The following ZNF136 variants were observed in gnomAD, a reference collection of about 807,000 sequenced individuals.
The protein encoded by ZNF136 is zinc finger protein 136.
A neutral mutation model predicts 11.4 loss-of-function variants in ZNF136; 8 were observed. The observed-to-expected ratio is 0.70, with a 90% confidence interval of 0.41 to 1.27. ZNF136 has a LOEUF of 1.27. Ranked by LOEUF, ZNF136 falls within the 50% of genes most tolerant of loss-of-function variation. The probability of loss-of-function intolerance (pLI) is 0.01; values close to 1 mark genes in which losing one functional copy is unlikely to be tolerated. For synonymous variants in ZNF136, 190 were observed against 207.1 expected, an observed-to-expected ratio of 0.92 and a Z score of 0.71; for missense variants, 590 against 656.5, an observed-to-expected ratio of 0.90 and a Z score of 1.11.
intron 1 of ZNF136, among the ~76,000 whole-genome samples, chr19:12,177,244 A>C (rs1052494499): frequency 6.6e-6 from 1 of 152,240 alleles, no homozygotes; most frequent in Non-Finnish European, 1.5e-5. Context: ...GACCCTTGTC[A>C]AATGTTTTTG....
At chr19:12,164,667 C>G (rs1361180890) in intron 1 of ZNF136, 2 of 152,278 alleles carry the variant, frequency 1.3e-5, no homozygotes, top group African/African-American at 4.8e-5. Flanking sequence ...TGGTCTTGAT[C>G]TCCTGACCTC....
chr19:12,179,956 C>T (rs1914901051), intron 1 of ZNF136, among the ~76,000 whole-genome samples: 2 of 151,982 alleles, frequency 1.3e-5, no homozygotes, highest in South Asian at 4.1e-4. Flanking sequence ...AGCTCCACCT[C>T]CCGGGTTCAC....
At chr19:12,163,402 C>T (rs568046291) in intron 1 of ZNF136, among the ~76,000 whole-genome samples, 196 bp downstream of exon 1, 1 of 152,354 alleles carries the variant, frequency 6.6e-6, no homozygotes, top group Middle Eastern at 3.4e-3. Flanking sequence ...CGGGCGTCCT[C>T]GTCCCGCCCT....
At position 12,186,775 on chromosome 19, in the gene ZNF136, C is replaced by T. The variant is rs749677258; in HGVS notation, c.397C>T (p.Gln133Ter). ...DHSGHEPKEY[Q>*]EYGEKPDTRN... Reference sequence around the variant, plus strand: ...CAGTGGACATGAACCAAAGGAATATCAGGAATATGGAGAGAAGCCAGATAC... The same window carrying T: ...CAGTGGACATGAACCAAAGGAATATTAGGAATATGGAGAGAAGCCAGATAC... The change falls in exon 4 of 4, where the codon CAG becomes TAG. Residue 133 changes from glutamine (Q) to a stop codon, truncating the protein, a stop_gained. Coordinates refer to ENST00000343979, the MANE Select transcript of ZNF136 (RefSeq NM_003437.5). LOFTEE classifies it low-confidence loss of function (END_TRUNC). 6 of 1,614,136 alleles carry T rather than the reference C, an allele frequency of 3.7e-6. No homozygotes were observed. The Admixed American group carries it at 1.0e-4, about 27-fold the overall frequency.
At chr19:12,176,215 C>CT (rs1914788391) in intron 1 of ZNF136, among the ~76,000 whole-genome samples, 1 of 152,142 alleles carries the variant, frequency 6.6e-6, no homozygotes, top group African/African-American at 2.4e-5. Flanking sequence ...AGAGACACCC[C>CT]TGTGCCACAT....
chr19:12,182,295 A>G (rs1914963934), intron 1 of ZNF136, among the ~76,000 whole-genome samples: 1 of 152,200 alleles, frequency 6.6e-6, no homozygotes, highest in Admixed American at 6.5e-5. Context: ...ATGCCTTTGC[A>G]TTGAGGTTCC....
chr19:12,184,412 T>A (rs1599459708), intron 1 of ZNF136, among the ~76,000 whole-genome samples: 1 of 151,848 alleles, frequency 6.6e-6, no homozygotes, highest in East Asian at 1.9e-4. Context: ...ATACAAAAAA[T>A]TAGTCAGGCG....
chr19:12,170,682 T>TC (rs57395161), intron 1 of ZNF136, among the ~76,000 whole-genome samples: 4 of 151,304 alleles, frequency 2.6e-5, no homozygotes, highest in African/African-American at 7.3e-5. Context: ...TTTTTTTTTT[T>TC]CGAGACGGAG....
chr19:12,185,647 GAAGT>G, intron 1 of ZNF136, 134 bp from the exon 2 acceptor site: 1 of 1,091,356 alleles, frequency 9.2e-7, no homozygotes, highest in Non-Finnish European at 1.3e-6. Context: ...TGTGTGGAAG[GAAGT>G]GAGTATGATG....
At chr19:12,170,194 C>T (rs1012778912) in intron 1 of ZNF136, among the ~76,000 whole-genome samples, 1 of 151,956 alleles carries the variant, frequency 6.6e-6, no homozygotes, top group Non-Finnish European at 1.5e-5. Flanking sequence ...TCCCAAAGTG[C>T]TGGGATTACA....
At chr19:12,168,426 G>C (rs1208890360) in intron 1 of ZNF136, among the ~76,000 whole-genome samples, 1 of 152,002 alleles carries the variant, frequency 6.6e-6, no homozygotes, top group South Asian at 2.1e-4. Flanking sequence ...ATTGAGTTCT[G>C]TTAATGTAAA....
intron 1 of ZNF136, among the ~76,000 whole-genome samples, chr19:12,172,721 T>A (rs1439090126): frequency 6.6e-6 from 1 of 152,254 alleles, no homozygotes; most frequent in East Asian, 1.9e-4. Flanking sequence ...TTATTACTTA[T>A]AAATCCCAGA....
At chr19:12,186,548 A>G in intron 3 of ZNF136, 22 bp from the exon 4 acceptor site, 2 of 1,543,042 alleles carry the variant, frequency 1.3e-6, no homozygotes, top group Non-Finnish European at 1.8e-6. Flanking sequence ...ATCCTTAGTA[A>G]TGTCCGTCTC....
intron 1 of ZNF136, among the ~76,000 whole-genome samples, chr19:12,164,340 C>T (rs372667069): frequency 2.6e-5 from 4 of 152,010 alleles, no homozygotes; most frequent in Non-Finnish European, 2.9e-5. Context: ...GACGTGATCT[C>T]GGCTCACTGC....
intron 1 of ZNF136, chr19:12,169,255 G>A (rs1011107793): frequency 3.9e-5 from 6 of 152,224 alleles, no homozygotes; most frequent in African/African-American, 1.4e-4. Flanking sequence ...AGTTGATACT[G>A]AGCAGTCTCC....
intron 1 of ZNF136, among the ~76,000 whole-genome samples, chr19:12,168,072 T>C (rs1356159732): frequency 1.0e-4 from 13 of 129,038 alleles, no homozygotes; most frequent in African/African-American, 3.8e-4. Flanking sequence ...TTTTTTTTTT[T>C]TTTTTTTTTT....
chr19:12,186,937 A>G lies in ZNF136; in HGVS notation c.559A>G (p.Ile187Val). 1 of 1,614,086 alleles carries G rather than the reference A, an allele frequency of 6.2e-7. No homozygotes were observed. The highest frequency in any genetic ancestry group is 8.5e-7 in the Non-Finnish European group (1 of 1,180,002). Residue 187 changes from isoleucine to valine, a missense_variant, in exon 4 of 4, where the codon ATC becomes GTC. Ile to Val is a conservative substitution (Grantham distance 29, BLOSUM62 3). Transcript: ENST00000343979. ...TTCTCTCAAAAGAATTAGAAGACAC[A>G]TCATCACACACAGTGGATATACACC... ...FFSLKRIRRH[I>V]ITHSGYTPYK... is the part of the protein sequence containing the mutation.
At chr19:12,164,712 G>C (rs566960098) in intron 1 of ZNF136, 1 of 152,200 alleles carries the variant, frequency 6.6e-6, no homozygotes, top group Non-Finnish European at 1.5e-5. Context: ...AGAGTGCTGG[G>C]ATTACAGGCG....
At chr19:12,173,612 G>T (rs1156696134) in intron 1 of ZNF136, among the ~76,000 whole-genome samples, 2 of 152,120 alleles carry the variant, frequency 1.3e-5, no homozygotes, top group Non-Finnish European at 2.9e-5. Context: ...TTTATTTGTA[G>T]CCTTTAAAAT....
Sources: allele counts gnomAD v4.1 joint callset (sites outside exome capture counted in the v4.1 genomes callset), GRCh38; gene constraint gnomAD v4.1.1; transcripts MANE v1.5; gene names NCBI Gene and HGNC (gene_info 2026-07-23, HGNC 2026-07-21).